The following SORCS3 variants were observed in gnomAD, a reference collection of about 807,000 sequenced individuals.
SORCS3 encodes the protein VPS10 domain-containing receptor SorCS3.
A neutral mutation model predicts 146.3 loss-of-function variants in SORCS3; 57 were observed. That is an observed-to-expected ratio of 0.39 (90% CI 0.31 to 0.49). The LOEUF is 0.49. Ranked by LOEUF, SORCS3 falls within the 20% of genes least tolerant of loss-of-function variation. The pLI, the probability that SORCS3 is intolerant of heterozygous loss-of-function variation, is 0.92. For missense variants in SORCS3, 1,341 were observed against 1,575.5 expected (o/e 0.85, Z 2.52); for synonymous variants, 653 against 618.5 (o/e 1.06, Z -0.83).
At position 104,752,500 on chromosome 10, in the gene SORCS3, A is replaced by G. The variant is rs533830432; in HGVS notation, c.628-90292A>G. Among the ~76,000 whole-genome samples the G allele has an allele frequency of 1.1e-3, 164 of 152,280 alleles. 1 individual carries two copies. Among genetic ancestry groups the G allele is most frequent in the African/African-American group, 3.9e-3 (163 of 41,562 alleles). On this transcript the variant is annotated intron_variant, in intron 1 of 26. Transcript: ENST00000369701. ...GCTTGTAAAAGAGTGGAAGGACTTC[A>G]AGGGCAAATTTAAGTCACTTCACAG...
intron 1 of SORCS3, among the ~76,000 whole-genome samples, chr10:104,738,504 C>T (rs2016802994): frequency 6.6e-6 from 1 of 152,146 alleles, no homozygotes; most frequent in South Asian, 2.1e-4. Context: ...GGTCTTCTCC[C>T]ATTTGCCGTT....
At chr10:105,141,969 T>C (rs1414951375) in intron 8 of SORCS3, among the ~76,000 whole-genome samples, 3 of 152,166 alleles carry the variant, frequency 2.0e-5, no homozygotes, top group African/African-American at 7.2e-5. Flanking sequence ...GTGTAAAGTG[T>C]TCGACAAATC....
chr10:104,705,505 C>A (rs1226323073), intron 1 of SORCS3, among the ~76,000 whole-genome samples: 1 of 152,158 alleles, frequency 6.6e-6, no homozygotes, highest in Non-Finnish European at 1.5e-5. Context: ...TTGACAGAAG[C>A]TTTTATTGGT....
intron 14 of SORCS3, among the ~76,000 whole-genome samples, chr10:105,196,136 A>G (rs768914581): frequency 6.6e-6 from 1 of 152,182 alleles, no homozygotes; most frequent in Non-Finnish European, 1.5e-5. Flanking sequence ...GGATATCTCA[A>G]AGAGTTGGAA....
chr10:104,667,239 C>T (rs1255263197), intron 1 of SORCS3, among the ~76,000 whole-genome samples: 1 of 152,206 alleles, frequency 6.6e-6, no homozygotes, highest in Non-Finnish European at 1.5e-5. Flanking sequence ...CACATATGTA[C>T]TGACTTTCCC....
chr10:105,021,388 C>A (rs914745108), intron 4 of SORCS3, among the ~76,000 whole-genome samples: 1 of 152,050 alleles, frequency 6.6e-6, no homozygotes, highest in Admixed American at 6.6e-5. Flanking sequence ...CCCATTAGGC[C>A]CCACCTCCCA....
intron 3 of SORCS3, among the ~76,000 whole-genome samples, chr10:104,938,028 T>A (rs1007893838): frequency 6.6e-6 from 1 of 152,172 alleles, no homozygotes; most frequent in African/African-American, 2.4e-5. Flanking sequence ...TATTACCCTT[T>A]GATTTTGCTG....
chr10:105,258,439 G>A (rs943546178), intron 25 of SORCS3, among the ~76,000 whole-genome samples: 2 of 152,176 alleles, frequency 1.3e-5, no homozygotes, highest in Non-Finnish European at 2.9e-5. Context: ...ATTTGATTGT[G>A]AGGAAGCCTG....
In SORCS3 at chr10:105,226,506, C is replaced by G. The variant is rs548985239; in HGVS notation, c.2868+3257C>G. The stretch of plus-strand genomic sequence containing the variant: ...ATCCTATATTCATCGAGCCTATTGG[C>G]CCATAGTTTTCTTTTTTTGTTGAGT... On this transcript the variant is annotated intron_variant, in intron 20 of 26. Transcript: ENST00000369701. Among the ~76,000 whole-genome samples the G allele has an allele frequency of 2.0e-5, 3 of 151,936 alleles. No homozygotes were observed. The South Asian group carries it at 6.2e-4, about 32-fold the overall frequency.
At chr10:105,089,721 G>A (rs2055688234) in intron 5 of SORCS3, 54 bp from the exon 6 acceptor site, 4 of 1,449,872 alleles carry the variant, frequency 2.8e-6, no homozygotes, top group Non-Finnish European at 3.9e-6. Context: ...ATCCCACTTT[G>A]CTGTCTGCTA....
At chr10:104,825,169 A>C (rs1349988286) in intron 1 of SORCS3, among the ~76,000 whole-genome samples, 1 of 152,168 alleles carries the variant, frequency 6.6e-6, no homozygotes, top group Non-Finnish European at 1.5e-5. Context: ...TCCTCACTCA[A>C]ATGGCAAATG....
intron 1 of SORCS3, among the ~76,000 whole-genome samples, chr10:104,712,846 A>G (rs1475452236): frequency 6.6e-6 from 1 of 152,216 alleles, no homozygotes; most frequent in South Asian, 2.1e-4. Context: ...TGTGATGGGG[A>G]TATAGCAATT....
intron 7 of SORCS3, among the ~76,000 whole-genome samples, chr10:105,128,416 G>A (rs570299898): frequency 6.4e-4 from 98 of 152,210 alleles, no homozygotes; most frequent in Non-Finnish European, 1.2e-3. Context: ...AGCAGCTCAC[G>A]TGTATCTCCA....
At chr10:105,021,748 G>T (rs922719332) in intron 4 of SORCS3, among the ~76,000 whole-genome samples, 15 of 152,158 alleles carry the variant, frequency 9.9e-5, no homozygotes, top group Non-Finnish European at 1.6e-4. Context: ...TTCTCATGGT[G>T]TCTCCATTCT....
At chr10:105,206,436 A>G (rs2056603071) in intron 16 of SORCS3, among the ~76,000 whole-genome samples, 1 of 152,184 alleles carries the variant, frequency 6.6e-6, no homozygotes, top group African/African-American at 2.4e-5. Context: ...TTCTGACTGT[A>G]TGTGCTATAG....
intron 1 of SORCS3, among the ~76,000 whole-genome samples, chr10:104,784,006 A>T (rs1057464721): frequency 6.6e-6 from 1 of 152,188 alleles, no homozygotes; most frequent in African/African-American, 2.4e-5. Flanking sequence ...CCTCTTGGAG[A>T]TTCACAATGC....
chr10:104,982,590 G>A (rs2054937190), intron 4 of SORCS3, among the ~76,000 whole-genome samples: 2 of 152,116 alleles, frequency 1.3e-5, no homozygotes, highest in South Asian at 2.1e-4. Context: ...ATTTTTATTA[G>A]GTCCTTTTCC....
intron 2 of SORCS3, among the ~76,000 whole-genome samples, chr10:104,846,619 A>T (rs2018208056): frequency 6.6e-6 from 1 of 152,230 alleles, no homozygotes; most frequent in Non-Finnish European, 1.5e-5. Flanking sequence ...AAGATTGTTT[A>T]AAAGCATTAA....
intron 1 of SORCS3, among the ~76,000 whole-genome samples, chr10:104,822,427 A>G (rs1175767250): frequency 6.6e-6 from 1 of 152,206 alleles, no homozygotes; most frequent in Non-Finnish European, 1.5e-5. Flanking sequence ...GGACAAGGAG[A>G]TACGATCAAA....
Sources: allele counts gnomAD v4.1 joint callset (sites outside exome capture counted in the v4.1 genomes callset), GRCh38; gene constraint gnomAD v4.1.1; transcripts MANE v1.5; gene names NCBI Gene and HGNC (gene_info 2026-07-23, HGNC 2026-07-21).